ENOX1: variants seen among roughly 807,000 people sequenced by gnomAD.
ENOX1 encodes candidate growth-related and time keeping constitutive hydroquinone (NADH) oxidase.
A neutral mutation model predicts 82.5 loss-of-function variants in ENOX1; 42 were observed. The ratio of observed to expected loss-of-function variants is 0.51; its 90% CI spans 0.40 to 0.66. The LOEUF (loss-of-function observed/expected upper bound fraction) is 0.66, where lower values mean the gene tolerates loss of function less well. Among genes scored for constraint, ENOX1 ranks in the 30% least tolerant of loss-of-function variants. The pLI is 0.00. For synonymous variants in ENOX1, 271 were observed against 282.2 expected (o/e 0.96, Z 0.40); for missense variants, 608 against 811.6 (o/e 0.75, Z 3.05).
At chr13:43,560,643 G>A (rs1254639475) in intron 2 of ENOX1, among the ~76,000 whole-genome samples, 1 of 152,112 alleles carries the variant, frequency 6.6e-6, no homozygotes, top group Admixed American at 6.6e-5. Context: ...CATGTGTACT[G>A]CAAATATAAT....
chr13:43,437,608 A>G (rs896921974), intron 3 of ENOX1, among the ~76,000 whole-genome samples: 3 of 152,234 alleles, frequency 2.0e-5, no homozygotes, highest in Non-Finnish European at 4.4e-5. Context: ...TTCACATATT[A>G]GAAGTAAAGC....
intron 1 of ENOX1, among the ~76,000 whole-genome samples, chr13:43,768,914 A>AATCT (rs1467520728): frequency 3.3e-5 from 5 of 152,220 alleles, no homozygotes; most frequent in African/African-American, 1.2e-4. Flanking sequence ...TTATTAGGTG[A>AATCT]ATCTCTCCAA....
intron 2 of ENOX1, among the ~76,000 whole-genome samples, chr13:43,637,039 G>A (rs1407647509): frequency 6.6e-5 from 10 of 152,196 alleles, no homozygotes; most frequent in Admixed American, 2.6e-4. Flanking sequence ...GGATTGGTGA[G>A]ATGACAGTTA....
chr13:43,674,036 A>G (rs1009970485), intron 1 of ENOX1, among the ~76,000 whole-genome samples: 4 of 152,332 alleles, frequency 2.6e-5, no homozygotes, highest in South Asian at 2.1e-4. Flanking sequence ...AATAATTCCC[A>G]GACTCAGTGA....
chr13:43,708,884 T>A (rs1313432230), intron 1 of ENOX1, among the ~76,000 whole-genome samples: 2 of 152,078 alleles, frequency 1.3e-5, no homozygotes, highest in African/African-American at 4.8e-5. Context: ...CATAAAAAAA[T>A]TCTGCTCTTC....
At chr13:43,406,121 A>T (rs1330042946) in intron 5 of ENOX1, among the ~76,000 whole-genome samples, 1 of 152,200 alleles carries the variant, frequency 6.6e-6, no homozygotes, top group African/African-American at 2.4e-5. Flanking sequence ...ATTAAAGAGG[A>T]TAAAGGTGTT....
At chr13:43,287,965 C>CA (rs779112126) in intron 12 of ENOX1, among the ~76,000 whole-genome samples, 2 of 152,208 alleles carry the variant, frequency 1.3e-5, no homozygotes, top group Non-Finnish European at 2.9e-5. Flanking sequence ...TAGGATGTAC[C>CA]AGGAGTGTAA....
At chr13:43,752,523 A>G (rs1235421478) in intron 1 of ENOX1, among the ~76,000 whole-genome samples, 2 of 152,202 alleles carry the variant, frequency 1.3e-5, no homozygotes, top group South Asian at 2.1e-4. Flanking sequence ...GGTGTTACAT[A>G]TATGTCCATG....
At chr13:43,528,218 T>C (rs1030602616) in intron 2 of ENOX1, among the ~76,000 whole-genome samples, 2 of 152,102 alleles carry the variant, frequency 1.3e-5, no homozygotes, top group African/African-American at 4.8e-5. Flanking sequence ...TTAAAATAAT[T>C]ACTTAAGTAA....
intron 3 of ENOX1, among the ~76,000 whole-genome samples, chr13:43,437,320 C>A (rs1403633451): frequency 2.0e-5 from 3 of 152,136 alleles, no homozygotes; most frequent in Non-Finnish European, 2.9e-5. Flanking sequence ...TACTCACCAA[C>A]CCAGAGCTAG....
intron 1 of ENOX1, among the ~76,000 whole-genome samples, chr13:43,723,560 T>A (rs1023200098): frequency 4.6e-5 from 7 of 152,216 alleles, no homozygotes; most frequent in Admixed American, 2.6e-4. Context: ...TTATATTCAT[T>A]TCAAGTAGGT....
chr13:43,529,028 T>C (rs909813394), intron 2 of ENOX1, among the ~76,000 whole-genome samples: 7 of 152,034 alleles, frequency 4.6e-5, no homozygotes, highest in Non-Finnish European at 7.4e-5. Context: ...TAAACGTTTC[T>C]GCTTGTTTTA....
At chr13:43,421,766 T>C (rs1246391320) in intron 3 of ENOX1, among the ~76,000 whole-genome samples, 1 of 151,958 alleles carries the variant, frequency 6.6e-6, no homozygotes, top group Non-Finnish European at 1.5e-5. Context: ...TCAAGGAAAC[T>C]AGTCATCTGT....
At chr13:43,565,225 G>C (rs535561056) in intron 2 of ENOX1, among the ~76,000 whole-genome samples, 70 of 152,194 alleles carry the variant, frequency 4.6e-4, no homozygotes, top group African/African-American at 1.6e-3. Flanking sequence ...CCCTGGCAGA[G>C]GGAACAGCAA....
At chr13:43,468,095 T>G (rs1394728434) in intron 3 of ENOX1, among the ~76,000 whole-genome samples, 3 of 152,244 alleles carry the variant, frequency 2.0e-5, no homozygotes, top group Non-Finnish European at 4.4e-5. Flanking sequence ...AATTGGGAGC[T>G]GTGAGTCCTC....
chr13:43,590,574 A>AC (rs1489404954), intron 2 of ENOX1, among the ~76,000 whole-genome samples: 1 of 151,616 alleles, frequency 6.6e-6, no homozygotes, highest in African/African-American at 2.4e-5. Context: ...GGAGATCGAG[A>AC]CCATTGTGGC....
At chr13:43,589,894 TGC>T (rs2081165308) in intron 2 of ENOX1, among the ~76,000 whole-genome samples, 1 of 97,004 alleles carries the variant, frequency 1.0e-5, no homozygotes, top group African/African-American at 4.7e-5. Flanking sequence ...AAGTCTATTC[TGC>T]AAAAAAAAAA....
In ENOX1 at chr13:43,420,423, G is replaced by A. The variant is rs575230289; in HGVS notation, c.-74-7435C>T. On this transcript the variant is annotated intron_variant, in intron 3 of 16. Coordinates refer to ENST00000690772, the MANE Select transcript of ENOX1 (RefSeq NM_001347969.2). Reference sequence around the variant, plus strand: ...TTTCATATACAAAAGCAGTTCAAAGGACATTCTCTGATTATTGTAGTGGGT... The same window carrying A: ...TTTCATATACAAAAGCAGTTCAAAGAACATTCTCTGATTATTGTAGTGGGT... Among the ~76,000 whole-genome samples, 5 of 152,218 alleles carry A rather than the reference G, an allele frequency of 3.3e-5. No individual in the cohort carries two copies. In the East Asian group the frequency reaches 9.6e-4, roughly 29 times the overall value.
intron 3 of ENOX1, among the ~76,000 whole-genome samples, chr13:43,420,302 T>C (rs1356107855): frequency 6.6e-6 from 1 of 152,236 alleles, no homozygotes; most frequent in Non-Finnish European, 1.5e-5. Flanking sequence ...CTTCCTGTAA[T>C]GATAAACTAT....
Sources: gnomAD v4.1 joint callset for allele counts (sites outside exome capture counted in the v4.1 genomes callset) on GRCh38, gnomAD v4.1.1 for gene constraint, MANE v1.5 for transcripts, NCBI Gene and HGNC (gene_info 2026-07-23, HGNC 2026-07-21) for gene names.